The following TRHDE variants were observed in gnomAD, a reference collection of about 807,000 sequenced individuals.
The protein encoded by TRHDE is thyrotropin releasing hormone degrading enzyme.
Under a neutral mutation model 125.7 loss-of-function variants are expected in TRHDE, and 72 were observed. The ratio of observed to expected loss-of-function variants is 0.57; its 90% confidence interval spans 0.47 to 0.70. TRHDE has a LOEUF of 0.70. TRHDE is among the 30% of genes least tolerant of loss of function. The pLI is 0.00. For synonymous variants in TRHDE, 509 were observed against 509.1 expected (o/e 1.00, Z 0.00); for missense variants, 1,110 against 1,327.1 (o/e 0.84, Z 2.54).
intron 5 of TRHDE, among the ~76,000 whole-genome samples, chr12:72,487,382 A>G (rs1877464674): frequency 6.6e-6 from 1 of 152,208 alleles, no homozygotes; most frequent in African/African-American, 2.4e-5. Context: ...ATATTTTAAA[A>G]GCAGCAAGAG....
chr12:72,621,063 A>T (rs1312232439), intron 13 of TRHDE, 45 bp from the exon 14 acceptor site: 1 of 974,120 alleles, frequency 1.0e-6, no homozygotes, highest in Non-Finnish European at 1.6e-6. Context: ...AGCATACAGA[A>T]GTTTTAAACT....
rs11179118 is a variant in TRHDE, at chr12:72,224,079, C to T, written n.279+118327C>T. Among the ~76,000 whole-genome samples the T allele has an allele frequency of 4.5e-4, 29 of 64,156 alleles. 1 individual carries two copies. The South Asian group carries it at 8.7e-3, about 19-fold the overall frequency. The allele number at this position is 64,156 out of a possible 152,430, so 42.1% of individuals were successfully genotyped here. On this transcript the variant is annotated intron_variant and non_coding_transcript_variant, in intron 2 of 4. Transcript: ENST00000548156. ...TATGTGTCCTTCCTATCTATCTATC[C>T]ATCTATCTATCCATCTATCTATCTA...
At chr12:72,161,347 C>T (rs1306825859) in intron 2 of TRHDE, among the ~76,000 whole-genome samples, 7 of 151,354 alleles carry the variant, frequency 4.6e-5, no homozygotes, top group Admixed American at 1.3e-4. Context: ...GCAGGAGAAT[C>T]GCTTGAACTC....
rs181099015 is a variant in TRHDE at position 72,439,780 on chromosome 12, T to C, written c.1316-29978T>C. ...GCTCTGGGTGGGACCTTCAATACTG[T>C]GTTGAATAGAAGTGGTAAGAGGGAG... On this transcript the variant is annotated intron_variant, in intron 3 of 18. Coordinates refer to ENST00000261180, the MANE Select transcript of TRHDE (RefSeq NM_013381.3). Among the ~76,000 whole-genome samples the C allele has an allele frequency of 3.2e-3, 492 of 152,044 alleles. 2 individuals are homozygous for C. The highest frequency in any genetic ancestry group is 0.011 in the African/African-American group (457 of 41,532).
chr12:72,177,742 C>T (rs1422796284), intron 2 of TRHDE, among the ~76,000 whole-genome samples: 1 of 151,972 alleles, frequency 6.6e-6, no homozygotes, highest in Non-Finnish European at 1.5e-5. Context: ...ATGGAATTAT[C>T]CCCCAAATGT....
chr12:72,413,257 T>C (rs1592426785), intron 3 of TRHDE, among the ~76,000 whole-genome samples: 1 of 152,112 alleles, frequency 6.6e-6, no homozygotes, highest in South Asian at 2.1e-4. Context: ...TTGCAAACTA[T>C]AGAATGATAG....
At chr12:72,408,683 G>T (rs370897726) in intron 3 of TRHDE, among the ~76,000 whole-genome samples, 26 of 152,188 alleles carry the variant, frequency 1.7e-4, no homozygotes, top group African/African-American at 6.0e-4. Context: ...TAGAATACTC[G>T]AAAAGTACCC....
At chr12:72,473,739 G>T (rs1407476606) in intron 5 of TRHDE, among the ~76,000 whole-genome samples, 1 of 151,920 alleles carries the variant, frequency 6.6e-6, no homozygotes, top group Non-Finnish European at 1.5e-5. Flanking sequence ...CTGTTATAGG[G>T]CATCCTAGAA....
intron 3 of TRHDE, among the ~76,000 whole-genome samples, chr12:72,453,410 A>G (rs1165902388): frequency 6.6e-6 from 1 of 152,210 alleles, no homozygotes; most frequent in African/African-American, 2.4e-5. Context: ...GGCTGCTTCT[A>G]ATAGCCTAGC....
intron 3 of TRHDE, among the ~76,000 whole-genome samples, chr12:72,430,980 C>G (rs1449403729): frequency 6.6e-6 from 1 of 151,830 alleles, no homozygotes; most frequent in Non-Finnish European, 1.5e-5. Flanking sequence ...TTTCTTTTGT[C>G]AAATTTATCT....
At chr12:72,309,271 C>G (rs1868427749) in intron 2 of TRHDE, among the ~76,000 whole-genome samples, 1 of 152,126 alleles carries the variant, frequency 6.6e-6, no homozygotes, top group South Asian at 2.1e-4. Flanking sequence ...GAGAGATCGT[C>G]TACTCTTTCA....
At chr12:72,539,460 G>A (rs1869034991) in intron 6 of TRHDE, among the ~76,000 whole-genome samples, 2 of 151,812 alleles carry the variant, frequency 1.3e-5, no homozygotes, top group Non-Finnish European at 2.9e-5. Flanking sequence ...TAATTGCTAT[G>A]CATGCAGAAT....
intron 9 of TRHDE, 120 bp from the exon 10 acceptor site, chr12:72,568,446 ATT>A: frequency 1.9e-6 from 1 of 529,536 alleles, no homozygotes; most frequent in Non-Finnish European, 3.2e-6. Flanking sequence ...GACCGGAATT[ATT>A]TTTTTTTAGT....
At chr12:72,224,150 GTATGTATGTATGTATGTA>G (rs1878069808) in intron 2 of TRHDE, among the ~76,000 whole-genome samples, 1 of 86,130 alleles carries the variant, frequency 1.2e-5, no homozygotes, top group Admixed American at 1.1e-4. Context: ...ATTTATCTAT[GTATGTATGTATGTATGTA>G]TCTATCTATC....
chr12:72,329,017 G>A (rs1418975606), intron 2 of TRHDE, among the ~76,000 whole-genome samples: 1 of 152,146 alleles, frequency 6.6e-6, no homozygotes, highest in Non-Finnish European at 1.5e-5. Context: ...ACAAAAGAGA[G>A]TCTCAAAGTT....
chr12:72,171,212 A>G (rs1876865986), intron 2 of TRHDE, among the ~76,000 whole-genome samples: 1 of 152,096 alleles, frequency 6.6e-6, no homozygotes, highest in Admixed American at 6.6e-5. Context: ...GGATTTAGGG[A>G]AGGAATCTTT....
At chr12:72,214,923 TAGAA>T (rs1780394551) in intron 2 of TRHDE, among the ~76,000 whole-genome samples, 1 of 152,220 alleles carries the variant, frequency 6.6e-6, no homozygotes, top group South Asian at 2.1e-4. Context: ...TAGACATCAT[TAGAA>T]AGAAAGAATT....
upstream of TRHDE, among the ~76,000 whole-genome samples, chr12:72,269,410 G>GA (rs1204350962): frequency 6.6e-6 from 1 of 152,070 alleles, no homozygotes; most frequent in Non-Finnish European, 1.5e-5. Flanking sequence ...ACTTGGGTCT[G>GA]AAAAAATAAT....
intron 2 of TRHDE, among the ~76,000 whole-genome samples, chr12:72,166,537 A>C (rs546157626): frequency 3.9e-5 from 6 of 152,348 alleles, no homozygotes; most frequent in African/African-American, 1.4e-4. Flanking sequence ...TGAATTTGGC[A>C]GTGTCTGATT....
Sources: allele counts gnomAD v4.1 joint callset (sites outside exome capture counted in the v4.1 genomes callset), GRCh38; gene constraint gnomAD v4.1.1; transcripts MANE v1.5; gene names NCBI Gene and HGNC (gene_info 2026-07-23, HGNC 2026-07-21).